Variants in ZNF469 observed in about 807,000 individuals in gnomAD.
ZNF469 encodes the protein zinc finger protein 469.
A neutral mutation model predicts 1.0 loss-of-function variants in ZNF469; 1 was observed. The ratio of observed to expected loss-of-function variants is 1.00; its 90% CI spans 0.35 to 4.73. ZNF469 has a LOEUF of 4.73. ZNF469 is among the 30% of genes most tolerant of loss of function. ZNF469 has a pLI of 0.16. For missense variants in ZNF469, 6,100 were observed against 5,356.3 expected (o/e 1.14, Z -4.33); for synonymous variants, 2,703 against 2,363.4 (o/e 1.14, Z -4.17).
chr16:88,125,778 G>A, the ZNF469 span, among the ~76,000 whole-genome samples: 1 of 152,052 alleles, frequency 6.6e-6, no homozygotes, highest in East Asian at 1.9e-4. Context: ...TTTTGCAAAT[G>A]GTATTTTTTA....
chr16:88,202,416 C>A, the ZNF469 span, among the ~76,000 whole-genome samples: 3 of 152,146 alleles, frequency 2.0e-5, no homozygotes, highest in African/African-American at 7.2e-5. Flanking sequence ...CCTCTCCTTG[C>A]CATTCCAGGT....
chr16:88,427,601 C>A lies in ZNF469; in HGVS notation c.131C>A (p.Thr44Asn), dbSNP rs577277281. The change falls in exon 3 of 3, where the codon ACC becomes AAC. Residue 44 changes from threonine (T) to asparagine (N), a missense_variant. By Grantham distance (65) the Thr-to-Asn change is moderately conservative (BLOSUM62 0). Transcript: ENST00000565624. ...GAGGACAACACCCCAGCTACCAGGA[C>A]CACCAAGGGTGCCAGGGAGGCTGGC... ...PLEDNTPATR[T>N]TKGAREAGGQ... 6.5e-7 allele frequency: 1 copy of A among 1,537,314 alleles called. No individual in the cohort carries two copies. The highest frequency in any genetic ancestry group is 1.4e-5 in the African/African-American group (1 of 73,136).
chr16:88,221,381 C>T, the ZNF469 span, among the ~76,000 whole-genome samples: 1 of 152,204 alleles, frequency 6.6e-6, no homozygotes, highest in African/African-American at 2.4e-5. Context: ...TCGTGCCTGG[C>T]CGCCACACTT....
At chr16:88,206,509 T>G in the ZNF469 span, among the ~76,000 whole-genome samples, 364 of 152,228 alleles carry the variant, frequency 2.4e-3, 5 homozygotes, top group East Asian at 0.034. Flanking sequence ...TGTTACCAGA[T>G]CCACGGACCT....
At chr16:88,293,970 T>G in the ZNF469 span, among the ~76,000 whole-genome samples, 1 of 152,322 alleles carries the variant, frequency 6.6e-6, no homozygotes, top group East Asian at 1.9e-4. Flanking sequence ...CGGCCTTTAC[T>G]CTGAACCAAG....
the ZNF469 span, among the ~76,000 whole-genome samples, chr16:88,341,315 A>G: frequency 0.22 from 33,837 of 152,096 alleles, 4,807 homozygotes; most frequent in African/African-American, 0.41. Context: ...CAGGAGGCGC[A>G]TGGGCCAGGG....
intron 1 of ZNF469, among the ~76,000 whole-genome samples, chr16:88,396,548 A>T (rs779830222): frequency 6.8e-6 from 1 of 147,348 alleles, no homozygotes; most frequent in Non-Finnish European, 1.5e-5. Context: ...CCGGGAGGAG[A>T]CCCTCCTGAA....
the ZNF469 span, among the ~76,000 whole-genome samples, chr16:88,268,070 T>C: frequency 6.6e-6 from 1 of 152,278 alleles, no homozygotes; most frequent in East Asian, 1.9e-4. Context: ...CCCCTCTTCA[T>C]GGAGGTTGAG....
the ZNF469 span, among the ~76,000 whole-genome samples, chr16:88,188,584 G>C: frequency 6.6e-6 from 1 of 152,146 alleles, no homozygotes; most frequent in African/African-American, 2.4e-5. Flanking sequence ...TGTTCAACCT[G>C]GGTCCCCAGG....
chr16:88,152,348 C>A, the ZNF469 span, among the ~76,000 whole-genome samples: 1 of 152,236 alleles, frequency 6.6e-6, no homozygotes, highest in East Asian at 1.9e-4. The surrounding 1 kb of genome is among the most constrained non-coding windows in gnomAD (Gnocchi z 4.2). Context: ...GTTTCCATAG[C>A]TCTCCAACAC....
At chr16:88,180,965 A>T in the ZNF469 span, among the ~76,000 whole-genome samples, 3 of 152,218 alleles carry the variant, frequency 2.0e-5, no homozygotes, top group South Asian at 2.1e-4. Context: ...GCTATAGAAG[A>T]AGTAGACAGG....
chr16:88,436,959 G>T lies in ZNF469; in HGVS notation c.9489G>T (p.Leu3163=). The T allele has an allele frequency of 6.7e-7, 1 of 1,498,522 alleles. No homozygotes were observed. The highest frequency in any genetic ancestry group is 1.3e-5 in the South Asian group (1 of 78,518). 92.8% of individuals were successfully genotyped at this position (1,498,522 alleles called of 1,614,324 possible). A position where few individuals can be genotyped will look rare whatever the true frequency, so the allele number is the denominator to read the frequency against. ...FGSRELLRGH[L]QERHAQSKAG... is the part of the protein sequence containing the mutation. ...CGCGGGAGCTGCTGCGGGGGCACCT[G>T]CAGGAGAGGCACGCGCAGAGCAAGG... is the stretch of plus-strand genomic sequence containing the variant. The change falls in exon 3 of 3, where the codon CTG becomes CTT. Residue 3163 remains leucine (L), a synonymous_variant. Coordinates refer to ENST00000565624, the MANE Select transcript of ZNF469 (RefSeq NM_001367624.2).
the ZNF469 span, among the ~76,000 whole-genome samples, chr16:88,350,651 C>T: frequency 9.2e-5 from 14 of 152,318 alleles, no homozygotes; most frequent in African/African-American, 3.4e-4. Flanking sequence ...ACGTTCAGGA[C>T]GCTGAGATGG....
the ZNF469 span, among the ~76,000 whole-genome samples, chr16:88,229,469 T>A: frequency 5.9e-5 from 9 of 152,354 alleles, no homozygotes; most frequent in East Asian, 1.7e-3. Flanking sequence ...AGACCCTCTG[T>A]GGTCATTACG....
At chr16:88,188,137 G>A in the ZNF469 span, among the ~76,000 whole-genome samples, 1,370 of 152,114 alleles carry the variant, frequency 9.0e-3, 19 homozygotes, top group African/African-American at 0.022. Flanking sequence ...TGCCCGTGCC[G>A]TGACCCCTGC....
At chr16:88,369,922 C>T in the ZNF469 span, among the ~76,000 whole-genome samples, 1 of 152,262 alleles carries the variant, frequency 6.6e-6, no homozygotes, top group African/African-American at 2.4e-5. Context: ...GGACCCACCT[C>T]CCTGAGCACA....
At chr16:88,185,834 GAC>G in the ZNF469 span, among the ~76,000 whole-genome samples, 4 of 146,908 alleles carry the variant, frequency 2.7e-5, no homozygotes, top group Admixed American at 1.4e-4. Context: ...CAGACCTACA[GAC>G]ACACTCACAT....
the ZNF469 span, among the ~76,000 whole-genome samples, chr16:88,161,409 C>T: frequency 6.6e-6 from 1 of 152,208 alleles, no homozygotes; most frequent in Non-Finnish European, 1.5e-5. Context: ...ATTCCCAACA[C>T]AGTAGAAGCG....
the ZNF469 span, among the ~76,000 whole-genome samples, chr16:88,296,668 ACT>A: frequency 1.3e-5 from 2 of 151,510 alleles, no homozygotes; most frequent in East Asian, 1.9e-4. Flanking sequence ...ATGCTCACAC[ACT>A]CATGCACACT....
Sources: gnomAD v4.1 joint callset for allele counts (sites outside exome capture counted in the v4.1 genomes callset) on GRCh38, gnomAD v4.1.1 for gene constraint, Gnocchi (gnomAD v3.1) non-coding constraint, MANE v1.5 for transcripts, NCBI Gene and HGNC (gene_info 2026-07-23, HGNC 2026-07-21) for gene names.